Variants in KIF26B observed in about 807,000 individuals in gnomAD.
The protein encoded by KIF26B is kinesin-like protein KIF26B.
Under a neutral mutation model 151.2 loss-of-function variants are expected in KIF26B, and 63 were observed. That is an observed-to-expected ratio of 0.42 (90% CI 0.34 to 0.51). KIF26B has a LOEUF of 0.51. Ranked by LOEUF, KIF26B falls within the 20% of genes least tolerant of loss-of-function variation. The pLI is 0.07. For synonymous variants in KIF26B, 1,357 were observed against 1,262.1 expected (o/e 1.08, Z -1.59); for missense variants, 2,813 against 2,913.6 (o/e 0.97, Z 0.79).
chr1:245,686,618 G>A lies in KIF26B; in HGVS notation c.3635G>A (p.Ser1212Asn), dbSNP rs765771787. ...AGCGGCCGCCCCACCAGCATCATCAGCTTCAACAGCGACTGCTCTGCACGG... is the reference window on the plus strand; with the variant it reads ...AGCGGCCGCCCCACCAGCATCATCAACTTCAACAGCGACTGCTCTGCACGG... ...LDSGRPTSII[S>N]FNSDCSARAL... Residue 1212 changes from serine to asparagine, a missense_variant, in exon 12 of 15, where the codon AGC becomes AAC. Coordinates refer to ENST00000407071, the MANE Select transcript of KIF26B (RefSeq NM_018012.4). This position sits in a 1 kb window ranked among gnomAD's most constrained non-coding sequence, Gnocchi z 5.6. The A allele has an allele frequency of 5.0e-6, 8 of 1,611,096 alleles. No individual in the cohort carries two copies. The Admixed American group carries it at 6.7e-5, about 13-fold the overall frequency.
Position 245,687,392 on chromosome 1 carries a change from C to A in KIF26B, c.4409C>A (p.Ser1470Ter). ...MMRCETATGPSNAETRAEQEQ... is the reference protein window; with the variant it reads ...MMRCETATGP ...AGGTGTGAGACTGCCACGGGCCCCT[C>A]GAATGCTGAGACCAGAGCAGAGCAG... The change falls in exon 12 of 15, where the codon TCG becomes TAG. Residue 1470 changes from serine to a stop codon, truncating the protein, a stop_gained. Transcript: ENST00000407071. LOFTEE classifies it high-confidence loss of function. The surrounding 1 kb of genome is among the most constrained non-coding windows in gnomAD (Gnocchi z 4.9). 1 of 1,588,148 alleles carries A rather than the reference C, an allele frequency of 6.3e-7. No homozygotes were observed. The highest frequency in any genetic ancestry group is 2.3e-5 in the East Asian group (1 of 43,548).
intron 14 of KIF26B, 87 bp downstream of exon 14, chr1:245,699,124 C>T (rs2044735192): frequency 1.3e-5 from 18 of 1,379,698 alleles, no homozygotes; most frequent in Non-Finnish European, 1.6e-5. Flanking sequence ...GACAGTGACA[C>T]AGGCTGTGTC....
intron 2 of KIF26B, among the ~76,000 whole-genome samples, chr1:245,257,825 C>T (rs374710852): frequency 6.6e-6 from 1 of 152,180 alleles, no homozygotes; most frequent in Non-Finnish European, 1.5e-5. Context: ...AGATCAAGAC[C>T]AGCTTGGCCA....
chr1:245,472,924 C>T (rs1189619158), intron 4 of KIF26B, among the ~76,000 whole-genome samples: 1 of 152,222 alleles, frequency 6.6e-6, no homozygotes, highest in Non-Finnish European at 1.5e-5. Flanking sequence ...CCTAATGTAG[C>T]CAAGAGGTAG....
intron 10 of KIF26B, among the ~76,000 whole-genome samples, chr1:245,653,254 G>GA (rs1173487997): frequency 6.6e-6 from 1 of 152,198 alleles, no homozygotes; most frequent in East Asian, 1.9e-4. Flanking sequence ...TAGAAGGGCA[G>GA]AACCGAGAGC....
At chr1:245,476,231 T>G (rs1166022826) in intron 4 of KIF26B, among the ~76,000 whole-genome samples, 1 of 151,818 alleles carries the variant, frequency 6.6e-6, no homozygotes. Flanking sequence ...AAAATACATT[T>G]GTGGTTGCCT....
chr1:245,679,457 GTTTTTTTTTT>G (rs35663208), intron 10 of KIF26B, among the ~76,000 whole-genome samples: 27 of 59,210 alleles, frequency 4.6e-4, no homozygotes, highest in African/African-American at 1.4e-3. Flanking sequence ...TTTTGTGTGT[GTTTTTTTTTT>G]TTTTTTTTTT....
At chr1:245,237,957 T>C (rs1426087247) in intron 2 of KIF26B, among the ~76,000 whole-genome samples, 2 of 150,084 alleles carry the variant, frequency 1.3e-5, no homozygotes, top group African/African-American at 4.9e-5. Flanking sequence ...GCCCCGGAGG[T>C]CGAGGCTGTG....
At chr1:245,356,552 G>GTC (rs1471045244) in intron 2 of KIF26B, among the ~76,000 whole-genome samples, 1 of 151,892 alleles carries the variant, frequency 6.6e-6, no homozygotes, top group Non-Finnish European at 1.5e-5. Context: ...GTGAGACTCT[G>GTC]TCTCAAAAGA....
At chr1:245,396,543 G>A (rs1365118803) in intron 3 of KIF26B, among the ~76,000 whole-genome samples, 1 of 152,014 alleles carries the variant, frequency 6.6e-6, no homozygotes, top group African/African-American at 2.4e-5. Context: ...GGCTGAGGCA[G>A]GAGAATCGCT....
chr1:245,679,454 TGTG>T (rs1466774769), intron 10 of KIF26B, among the ~76,000 whole-genome samples: 3 of 86,738 alleles, frequency 3.5e-5, no homozygotes, highest in African/African-American at 1.0e-4. Context: ...TTTTTTTGTG[TGTG>T]TTTTTTTTTT....
chr1:245,619,617 A>G (rs1386046173), intron 9 of KIF26B, among the ~76,000 whole-genome samples: 4 of 151,424 alleles, frequency 2.6e-5, no homozygotes, highest in Admixed American at 1.3e-4. Context: ...AAAAAAAAAA[A>G]AAAAAGAATC....
At chr1:245,456,731 C>T (rs1572070917) in intron 4 of KIF26B, among the ~76,000 whole-genome samples, 1 of 152,344 alleles carries the variant, frequency 6.6e-6, no homozygotes, top group East Asian at 1.9e-4. Flanking sequence ...TAAATTTTAA[C>T]AAAACTGCTG....
intron 4 of KIF26B, among the ~76,000 whole-genome samples, chr1:245,529,265 CT>C (rs1661309275): frequency 6.6e-6 from 1 of 152,134 alleles, no homozygotes; most frequent in African/African-American, 2.4e-5. Context: ...GGGTTAACCC[CT>C]GGCAAGGCAA....
chr1:245,263,788 C>T (rs1462258634), intron 2 of KIF26B, among the ~76,000 whole-genome samples: 1 of 152,172 alleles, frequency 6.6e-6, no homozygotes, highest in Non-Finnish European at 1.5e-5. Flanking sequence ...CCAAAAAATG[C>T]ATTTTGACAA....
At chr1:245,389,312 CA>C (rs1252181132) in intron 3 of KIF26B, among the ~76,000 whole-genome samples, 1 of 151,956 alleles carries the variant, frequency 6.6e-6, no homozygotes, top group African/African-American at 2.4e-5. Context: ...AGGGTTTCAC[CA>C]CATTGGCCAG....
chr1:245,371,315 A>C (rs1434567355), intron 3 of KIF26B: 1 of 152,158 alleles, frequency 6.6e-6, no homozygotes, highest in Admixed American at 6.5e-5. Flanking sequence ...CCTGCAGTAC[A>C]TATTGTACAG....
intron 4 of KIF26B, among the ~76,000 whole-genome samples, chr1:245,477,466 T>C (rs1660065613): frequency 6.6e-6 from 1 of 151,712 alleles, no homozygotes; most frequent in African/African-American, 2.4e-5. Context: ...AGTAGGTTAG[T>C]CAATCCTGTG....
chr1:245,449,619 C>T (rs536046486), intron 4 of KIF26B, among the ~76,000 whole-genome samples: 1 of 152,224 alleles, frequency 6.6e-6, no homozygotes, highest in South Asian at 2.1e-4. Context: ...GAAGTGTGTT[C>T]ACCAAACACC....
Sources: gnomAD v4.1 joint callset for allele counts (sites outside exome capture counted in the v4.1 genomes callset) on GRCh38, gnomAD v4.1.1 for gene constraint, Gnocchi (gnomAD v3.1) non-coding constraint, MANE v1.5 for transcripts, NCBI Gene and HGNC (gene_info 2026-07-23, HGNC 2026-07-21) for gene names.